The following PCDH11X variants were observed in gnomAD, a reference collection of about 807,000 sequenced individuals.
PCDH11X encodes protocadherin-11 X-linked.
PCDH11X carries 18 observed loss-of-function variants against 53.3 expected under a neutral mutation model. The observed-to-expected ratio is 0.34, with a 90% CI of 0.23 to 0.50. PCDH11X has a LOEUF of 0.50. Among genes scored for constraint, PCDH11X ranks in the 20% least tolerant of loss-of-function variants. PCDH11X has a pLI of 0.98. For synonymous variants in PCDH11X, 279 were observed against 393.3 expected (o/e 0.71, Z 3.44); for missense variants, 570 against 1,032.4 (o/e 0.55, Z 6.14).
At chrX:92,515,628 C>CTG (rs747821682) in intron 10 of PCDH11X, 9 of 116,205 alleles carry the variant, frequency 7.7e-5, no homozygotes, top group South Asian at 3.7e-4. Context: ...AAAAATGTAT[C>CTG]TGTGTGTGTG....
At chrX:92,508,843 C>G (rs1429126251) in intron 10 of PCDH11X, among the ~76,000 whole-genome samples, 21 of 108,479 alleles carry the variant, frequency 1.9e-4, no homozygotes, top group South Asian at 4.1e-4. Flanking sequence ...TTATTTCCTG[C>G]CTCAATGGAT....
intron 6 of PCDH11X, among the ~76,000 whole-genome samples, chrX:92,023,703 GC>G (rs1298812703): frequency 2.0e-5 from 2 of 98,215 alleles, no homozygotes; most frequent in Non-Finnish European, 4.1e-5. Flanking sequence ...CCTGGCAGAG[GC>G]ACAACAAAAA....
intron 8 of PCDH11X, among the ~76,000 whole-genome samples, chrX:92,343,560 G>A (rs1420950479): frequency 1.8e-5 from 2 of 110,385 alleles, no homozygotes; most frequent in Non-Finnish European, 3.8e-5. Context: ...ATATCTACGT[G>A]TATTTCTTTA....
intron 6 of PCDH11X, among the ~76,000 whole-genome samples, chrX:92,060,075 T>C (rs2148061118): frequency 9.0e-6 from 1 of 110,888 alleles, no homozygotes; most frequent in African/African-American, 3.3e-5. Context: ...AAAAAAAGTT[T>C]GCATCTAAAA....
chrX:92,354,663 A>G (rs2070146751), intron 8 of PCDH11X, among the ~76,000 whole-genome samples: 1 of 111,643 alleles, frequency 9.0e-6, no homozygotes, highest in African/African-American at 3.3e-5. Flanking sequence ...TACTCCAAAT[A>G]TTACTATAAA....
chrX:91,822,924 G>C (rs1447100731), intron 4 of PCDH11X, among the ~76,000 whole-genome samples: 2 of 110,759 alleles, frequency 1.8e-5, no homozygotes, highest in Non-Finnish European at 3.8e-5. Flanking sequence ...CCTTGATTTC[G>C]TTATGTACCC....
chrX:92,536,832 A>G (rs1319781750), intron 10 of PCDH11X, among the ~76,000 whole-genome samples: 1 of 108,860 alleles, frequency 9.2e-6, no homozygotes, highest in Non-Finnish European at 1.9e-5. Flanking sequence ...TAAATTTTGT[A>G]TTTTTTGTAG....
chrX:92,168,612 TAATA>T (rs1008876066), intron 6 of PCDH11X, among the ~76,000 whole-genome samples: 37 of 111,318 alleles, frequency 3.3e-4, no homozygotes, highest in African/African-American at 9.4e-4. Context: ...GGCAGAAAAT[TAATA>T]AATAAACATG....
At chrX:92,272,876 T>C (rs1369669182) in intron 8 of PCDH11X, among the ~76,000 whole-genome samples, 1 of 112,442 alleles carries the variant, frequency 8.9e-6, no homozygotes. Context: ...TTTGATACAA[T>C]TAGCTTAATT....
At chrX:92,328,331 TA>T (rs1456484372) in intron 8 of PCDH11X, among the ~76,000 whole-genome samples, 1 of 110,369 alleles carries the variant, frequency 9.1e-6, no homozygotes, top group Non-Finnish European at 1.9e-5. Flanking sequence ...ATTTATGGCA[TA>T]AAATTACAAT....
chrX:92,417,595 T>G (rs2148610654), intron 9 of PCDH11X, among the ~76,000 whole-genome samples: 1 of 111,567 alleles, frequency 9.0e-6, no homozygotes, highest in South Asian at 3.7e-4. Context: ...ATTTCAATGT[T>G]CAGGGAGTCC....
At chrX:92,506,261 T>C (rs1233055579) in intron 10 of PCDH11X, among the ~76,000 whole-genome samples, 1 of 85,918 alleles carries the variant, frequency 1.2e-5, no homozygotes, top group Non-Finnish European at 2.2e-5. Flanking sequence ...TGGCTAGGAC[T>C]TCCAGTACTG....
intron 7 of PCDH11X, among the ~76,000 whole-genome samples, chrX:92,243,412 C>T (rs73245235): frequency 3.0e-3 from 332 of 110,373 alleles, no homozygotes; most frequent in Non-Finnish European, 4.9e-3. Flanking sequence ...ATCGATCAGA[C>T]ATTTGTGAGA....
chrX:92,052,975 A>G (rs757306577), intron 6 of PCDH11X, among the ~76,000 whole-genome samples: 3 of 111,761 alleles, frequency 2.7e-5, no homozygotes, highest in South Asian at 7.4e-4. Flanking sequence ...AGAAGCAGAA[A>G]TATTTCCTCA....
At chrX:92,184,099 T>C (rs2066049149) in intron 6 of PCDH11X, among the ~76,000 whole-genome samples, 2 of 111,969 alleles carry the variant, frequency 1.8e-5, no homozygotes, top group African/African-American at 6.5e-5. Flanking sequence ...TAACAAATAG[T>C]AGGCGCTCAG....
intron 4 of PCDH11X, among the ~76,000 whole-genome samples, chrX:91,824,996 G>A (rs1602302931): frequency 1.8e-5 from 2 of 110,427 alleles, no homozygotes; most frequent in Admixed American, 1.9e-4. Flanking sequence ...CGGGGGTCAG[G>A]GGTCAGGGAC....
intron 6 of PCDH11X, among the ~76,000 whole-genome samples, chrX:91,884,387 T>C (rs1474876243): frequency 1.8e-5 from 2 of 110,480 alleles, no homozygotes; most frequent in Non-Finnish European, 3.8e-5. Flanking sequence ...TCCAGTCATA[T>C]GAGGGTGGAA....
intron 7 of PCDH11X, among the ~76,000 whole-genome samples, chrX:92,217,768 C>T (rs1353043218): frequency 1.8e-5 from 2 of 111,236 alleles, no homozygotes; most frequent in African/African-American, 3.3e-5. Flanking sequence ...CAGCACCACA[C>T]CACAACTCTT....
intron 10 of PCDH11X, among the ~76,000 whole-genome samples, chrX:92,594,854 G>T (rs2750648): frequency 0.24 from 23,269 of 97,096 alleles, 2,541 homozygotes; most frequent in African/African-American, 0.36. Context: ...TTTTTTGTTT[G>T]TTTGTTTTGG....
Sources: allele counts gnomAD v4.1 joint callset (sites outside exome capture counted in the v4.1 genomes callset), GRCh38; gene constraint gnomAD v4.1.1; transcripts MANE v1.5; gene names NCBI Gene and HGNC (gene_info 2026-07-23, HGNC 2026-07-21).